Variants in ERBB4 observed in about 807,000 individuals in gnomAD.
ERBB4 encodes erb-b2 receptor tyrosine kinase 4, also known as receptor tyrosine-protein kinase erbB-4.
ERBB4 carries 42 observed loss-of-function variants against 158.0 expected under a neutral mutation model. That is an observed-to-expected ratio of 0.27 (90% CI 0.21 to 0.34). The LOEUF (loss-of-function observed/expected upper bound fraction) is 0.34. ERBB4 is among the 10% of genes least tolerant of loss of function. The pLI, the probability that ERBB4 is intolerant of heterozygous loss-of-function variation, is 1.00. For synonymous variants in ERBB4, 583 were observed against 558.7 expected (o/e 1.04, Z -0.61); for missense variants, 1,333 against 1,624.1 (o/e 0.82, Z 3.08).
intron 1 of ERBB4, among the ~76,000 whole-genome samples, chr2:212,497,207 T>C (rs1409943892): frequency 6.6e-6 from 1 of 151,938 alleles, no homozygotes; most frequent in East Asian, 1.9e-4. Context: ...ACCCTATATT[T>C]TTAAAAGTTA....
chr2:211,561,842 T>A, intron 20 of ERBB4, 61 bp downstream of exon 20: 1 of 1,395,462 alleles, frequency 7.2e-7, no homozygotes, highest in Non-Finnish European at 1.0e-6. Flanking sequence ...ATGAAAACTG[T>A]TCCAGGTTAG....
At chr2:212,100,805 C>T (rs1308974087) in intron 2 of ERBB4, among the ~76,000 whole-genome samples, 1 of 152,098 alleles carries the variant, frequency 6.6e-6, no homozygotes, top group African/African-American at 2.4e-5. Flanking sequence ...TGATCAAATA[C>T]AAACAATTTT....
intron 25 of ERBB4, among the ~76,000 whole-genome samples, chr2:211,405,746 A>G (rs185327451): frequency 1.2e-4 from 18 of 152,332 alleles, no homozygotes; most frequent in Non-Finnish European, 1.5e-4. Context: ...GTAAGATGTC[A>G]TGAATCAAGA....
intron 3 of ERBB4, among the ~76,000 whole-genome samples, chr2:211,842,076 G>A (rs142289726): frequency 3.9e-5 from 6 of 151,932 alleles, no homozygotes; most frequent in African/African-American, 1.4e-4. Context: ...CAAAAGTGAT[G>A]GCAAAACAGC....
At chr2:211,976,977 C>G (rs755326878) in intron 2 of ERBB4, among the ~76,000 whole-genome samples, 1 of 152,072 alleles carries the variant, frequency 6.6e-6, no homozygotes, top group African/African-American at 2.4e-5. Context: ...AGTGCCTATA[C>G]ATATAAAAAT....
At chr2:211,591,932 C>A (rs1323758230) in intron 19 of ERBB4, among the ~76,000 whole-genome samples, 3 of 152,088 alleles carry the variant, frequency 2.0e-5, no homozygotes, top group Non-Finnish European at 4.4e-5. Flanking sequence ...TGTACCTGAG[C>A]GAGTTAGAGA....
intron 25 of ERBB4, among the ~76,000 whole-genome samples, chr2:211,397,027 C>G (rs189056905): frequency 5.9e-5 from 9 of 152,248 alleles, no homozygotes; most frequent in African/African-American, 1.7e-4. Flanking sequence ...ACATGACTGT[C>G]CCATCAGCCC....
intron 2 of ERBB4, among the ~76,000 whole-genome samples, chr2:212,049,616 A>T (rs2077347407): frequency 1.3e-5 from 2 of 152,198 alleles, no homozygotes; most frequent in African/African-American, 4.8e-5. Flanking sequence ...TCAGAAAAAA[A>T]TGACATTTGT....
At chr2:211,836,269 TA>T (rs1420305569) in intron 3 of ERBB4, among the ~76,000 whole-genome samples, 4 of 152,060 alleles carry the variant, frequency 2.6e-5, no homozygotes. Context: ...TACTCATGGA[TA>T]AAATTGATTA....
In ERBB4 at chr2:211,619,189, C is replaced by T. The variant is rs2069501254; in HGVS notation, c.2289G>A (p.Val763=). The T allele has an allele frequency of 1.9e-6, 3 of 1,600,624 alleles. No homozygotes were observed. Among genetic ancestry groups the T allele is most frequent in the Non-Finnish European group, 2.6e-6 (3 of 1,168,138 alleles). ...TGTCTGTACTTACATCCATGAACTC[C>T]ACATTTGCCTTGGGACCAGTTGTCT... ...LNETTGPKAN[V]EFMDEALIMA... is the part of the protein sequence containing the mutation. The change falls in exon 19 of 28, where the codon GTG becomes GTA. Residue 763 remains valine (V), a synonymous_variant. Transcript: ENST00000342788.
At chr2:211,597,145 T>C (rs1287308118) in intron 19 of ERBB4, among the ~76,000 whole-genome samples, 1 of 152,086 alleles carries the variant, frequency 6.6e-6, no homozygotes. Flanking sequence ...CAAGGAAAAA[T>C]GCAATATCCA....
intron 5 of ERBB4, among the ~76,000 whole-genome samples, chr2:211,730,940 C>A (rs1376200663): frequency 6.6e-6 from 1 of 151,996 alleles, no homozygotes; most frequent in African/African-American, 2.4e-5. Context: ...CTGATTATTC[C>A]TTGTCTGAAA....
At chr2:212,340,846 A>G (rs2088675116) in intron 1 of ERBB4, among the ~76,000 whole-genome samples, 1 of 152,190 alleles carries the variant, frequency 6.6e-6, no homozygotes, top group African/African-American at 2.4e-5. Flanking sequence ...ATATAAATAC[A>G]TATTTGTCTA....
intron 1 of ERBB4, among the ~76,000 whole-genome samples, chr2:212,193,444 T>C (rs2082334666): frequency 6.6e-6 from 1 of 152,070 alleles, no homozygotes. Context: ...ACCTGCTGGG[T>C]CACATATAGA....
At chr2:211,630,636 G>A (rs1293683616) in intron 16 of ERBB4, 42 bp from the exon 17 acceptor site, 8 of 1,549,702 alleles carry the variant, frequency 5.2e-6, no homozygotes, top group Non-Finnish European at 7.1e-6. Context: ...AAAGTATGAA[G>A]AGAGAGAAGA....
At chr2:211,490,580 G>A (rs985270853) in intron 20 of ERBB4, among the ~76,000 whole-genome samples, 2 of 152,038 alleles carry the variant, frequency 1.3e-5, no homozygotes, top group African/African-American at 4.8e-5. Context: ...GACCTAGAGA[G>A]AGACTTTCAG....
At chr2:211,843,612 A>C (rs1229819623) in intron 3 of ERBB4, among the ~76,000 whole-genome samples, 1 of 152,088 alleles carries the variant, frequency 6.6e-6, no homozygotes, top group Non-Finnish European at 1.5e-5. Context: ...GATTTTAAAA[A>C]TGTTTTTCTA....
chr2:212,119,111 A>G (rs2125557934), intron 2 of ERBB4, among the ~76,000 whole-genome samples: 1 of 152,168 alleles, frequency 6.6e-6, no homozygotes, highest in African/African-American at 2.4e-5. Flanking sequence ...TTCCACATCC[A>G]TGCATCAACT....
chr2:211,602,827 C>A (rs1205706939), intron 19 of ERBB4, among the ~76,000 whole-genome samples: 1 of 152,020 alleles, frequency 6.6e-6, no homozygotes, highest in African/African-American at 2.4e-5. Flanking sequence ...AGCTGAGAAG[C>A]AAAGGGGGAT....
Sources: gnomAD v4.1 joint callset for allele counts (sites outside exome capture counted in the v4.1 genomes callset) on GRCh38, gnomAD v4.1.1 for gene constraint, MANE v1.5 for transcripts, NCBI Gene and HGNC (gene_info 2026-07-23, HGNC 2026-07-21) for gene names.